CANX: variants seen among roughly 807,000 people sequenced by gnomAD.
CANX encodes the protein calnexin.
Under a neutral mutation model 75.7 loss-of-function variants are expected in CANX, and 14 were observed. The ratio of observed to expected loss-of-function variants is 0.19; its 90% CI spans 0.12 to 0.29. The LOEUF (loss-of-function observed/expected upper bound fraction) is 0.29. Ranked by LOEUF, CANX falls within the 10% of genes least tolerant of loss-of-function variation. The pLI is 1.00. For synonymous variants in CANX, 227 were observed against 236.9 expected (o/e 0.96, Z 0.38); for missense variants, 567 against 713.2 (o/e 0.79, Z 2.34).
At chr5:179,683,733 C>G (rs534988416) in intron 1 of CANX, among the ~76,000 whole-genome samples, 7 of 151,882 alleles carry the variant, frequency 4.6e-5, no homozygotes, top group African/African-American at 1.7e-4. Flanking sequence ...GGGGTTTCAC[C>G]ATATTCACCA....
At chr5:179,685,121 CAG>C (rs1776167369) in intron 1 of CANX, among the ~76,000 whole-genome samples, 1 of 151,248 alleles carries the variant, frequency 6.6e-6, no homozygotes, top group African/African-American at 2.4e-5. Context: ...TTTTTGGAGG[CAG>C]AGTCTCGCCC....
chr5:179,722,635 G>A (rs896846620), intron 10 of CANX, among the ~76,000 whole-genome samples, 169 bp from the exon 11 acceptor site: 7 of 152,154 alleles, frequency 4.6e-5, no homozygotes, highest in African/African-American at 4.8e-5. Flanking sequence ...GGCAGAGTGC[G>A]TAAAATAATC....
At chr5:179,719,334 C>T (rs904756133) in intron 8 of CANX, among the ~76,000 whole-genome samples, 8 of 152,120 alleles carry the variant, frequency 5.3e-5, no homozygotes, top group Non-Finnish European at 1.2e-4. Context: ...TTTGATTTGC[C>T]ATTTCCCTGA....
intron 8 of CANX, among the ~76,000 whole-genome samples, chr5:179,717,140 T>C (rs1778009731): frequency 6.6e-6 from 1 of 152,198 alleles, no homozygotes; most frequent in Non-Finnish European, 1.5e-5. Context: ...AAGAAATTCT[T>C]ACCCTTTGTA....
chr5:179,726,293 T>C (rs1562521556), intron 13 of CANX, among the ~76,000 whole-genome samples: 1 of 146,192 alleles, frequency 6.8e-6, no homozygotes, highest in East Asian at 2.1e-4. Flanking sequence ...TCAAAAAAAA[T>C]AGTGGCCGGG....
At chr5:179,723,085 G>A (rs1443345821) in intron 11 of CANX, 66 bp downstream of exon 11, 1 of 1,398,366 alleles carries the variant, frequency 7.2e-7, no homozygotes, top group African/African-American at 1.4e-5. Flanking sequence ...GTGAAAGTCT[G>A]TGTTAAGGTT....
chr5:179,721,318 G>T (rs1253026576), intron 10 of CANX, among the ~76,000 whole-genome samples: 1 of 152,232 alleles, frequency 6.6e-6, no homozygotes, highest in Non-Finnish European at 1.5e-5. Context: ...TCGAACTCCT[G>T]ACCTCAGGTG....
chr5:179,695,791 C>T (rs1053010426), upstream of CANX, among the ~76,000 whole-genome samples: 1 of 151,762 alleles, frequency 6.6e-6, no homozygotes, highest in African/African-American at 2.4e-5. Context: ...GCTGGGACTA[C>T]AGGCGCCCGC....
At chr5:179,710,504 G>A (rs1331326635) in intron 7 of CANX, among the ~76,000 whole-genome samples, 2 of 148,004 alleles carry the variant, frequency 1.4e-5, no homozygotes, top group African/African-American at 5.0e-5. Context: ...TCAGGAGATC[G>A]AGACCATCCT....
At chr5:179,721,724 C>G (rs142034014) in intron 10 of CANX, among the ~76,000 whole-genome samples, 2 of 152,250 alleles carry the variant, frequency 1.3e-5, no homozygotes, top group African/African-American at 4.8e-5. Context: ...TTTTATCTTT[C>G]TAGCCAAGTA....
chr5:179,717,653 A>G (rs78928707), intron 8 of CANX, among the ~76,000 whole-genome samples: 2,184 of 151,654 alleles, frequency 0.014, 41 homozygotes, highest in African/African-American at 0.05. Flanking sequence ...TTTGTCTGTG[A>G]TTATGAATAA....
At chr5:179,682,943 A>G (rs1225503464) in intron 1 of CANX, among the ~76,000 whole-genome samples, 5 of 152,172 alleles carry the variant, frequency 3.3e-5, no homozygotes, top group Admixed American at 6.5e-5. Flanking sequence ...GACACGTGCC[A>G]CGTGTGCGGA....
chr5:179,711,428 C>T (rs919322905), intron 7 of CANX, among the ~76,000 whole-genome samples: 1 of 151,886 alleles, frequency 6.6e-6, no homozygotes, highest in African/African-American at 2.4e-5. Flanking sequence ...TCTCAAAAAA[C>T]AAAACAAAAA....
chr5:179,680,498 C>T (rs1448358649), intron 1 of CANX, among the ~76,000 whole-genome samples: 1 of 152,076 alleles, frequency 6.6e-6, no homozygotes, highest in African/African-American at 2.4e-5. Context: ...GTGTATAGAC[C>T]ACAGTCCAGT....
rs1220343895 is a variant in CANX, at chr5:179,705,829, A to G, written c.148A>G (p.Thr50Ala). Residue 50 changes from threonine (T) to alanine (A), a missense_variant, in exon 2 of 15, where the codon ACT becomes GCT. Around this residue, in one of 3 missense-constraint regions of CANX, gnomAD observed 351 missense variants for 433.8 expected, o/e 0.81. Transcript: ENST00000247461. The part of the protein sequence containing the change: ...EEVEDSKPDT[T>A]APPSSPKVTY... ...GGTAGAAGACTCAAAACCAGATACC[A>G]CTGCTCCTCCTTCATCTCCCAAGGT... The G allele has an allele frequency of 1.9e-6, 3 of 1,613,746 alleles. No homozygotes were observed. Among genetic ancestry groups the G allele is most frequent in the Admixed American group, 1.7e-5 (1 of 59,998 alleles).
chr5:179,702,992 CT>C (rs1371778948), intron 1 of CANX, among the ~76,000 whole-genome samples: 1 of 152,124 alleles, frequency 6.6e-6, no homozygotes, highest in East Asian at 1.9e-4. Context: ...TGGTCTTGAA[CT>C]CCCGAACTCA....
At position 179,706,240 on chromosome 5, in the gene CANX, T is replaced by G. The variant is rs748153595; in HGVS notation, c.172-18T>G. On this transcript the variant is annotated intron_variant, in intron 2 of 14. Coordinates refer to ENST00000247461, the MANE Select transcript of CANX (RefSeq NM_001746.4). ...GCTGAAAATTTAAATTTTTAATTCA[T>G]TTATGTATTTAACACAGGTTACTTA... 1.4e-6 allele frequency: 2 copies of G among 1,386,802 alleles called. No individual in the cohort carries two copies. Among genetic ancestry groups the G allele is most frequent in the Non-Finnish European group, 2.0e-6 (2 of 983,356 alleles). 85.9% of individuals were successfully genotyped at this position (1,386,802 alleles called of 1,614,324 possible).
At position 179,698,999 on chromosome 5, in the gene CANX, C is replaced by G; in HGVS notation, c.-107C>G. 3.6e-6 allele frequency: 4 copies of G among 1,121,432 alleles called. No homozygotes were observed. Among genetic ancestry groups the G allele is most frequent in the South Asian group, 1.8e-5 (1 of 54,368 alleles). 69.5% of individuals were successfully genotyped at this position (1,121,432 alleles called of 1,614,324 possible). A position where few individuals can be genotyped will look rare whatever the true frequency, so the allele number is the denominator to read the frequency against. Reference sequence around the variant, plus strand: ...GCCGAGGCCTCTTGGTTCTGCGGCACGTGACGGTCGGGCCGCCTCCGCCTC... The same window carrying G: ...GCCGAGGCCTCTTGGTTCTGCGGCAGGTGACGGTCGGGCCGCCTCCGCCTC... On this transcript the variant is annotated 5_prime_UTR_variant, in exon 1 of 15. Transcript: ENST00000247461.
chr5:179,706,224 T>G, intron 2 of CANX, 34 bp from the exon 3 acceptor site: 2 of 1,223,774 alleles, frequency 1.6e-6, no homozygotes, highest in Non-Finnish European at 2.4e-6. Flanking sequence ...TGCTGAAAAT[T>G]TAAATTTTTA....
Sources: gnomAD v4.1 joint callset for allele counts (sites outside exome capture counted in the v4.1 genomes callset) on GRCh38, gnomAD v4.1.1 for gene constraint, gnomAD v4.1.1 regional missense constraint, MANE v1.5 for transcripts, NCBI Gene and HGNC (gene_info 2026-07-23, HGNC 2026-07-21) for gene names.